Variants in ZBTB20 observed in about 807,000 individuals in gnomAD.
ZBTB20 encodes the protein zinc finger and BTB domain containing 20.
A neutral mutation model predicts 56.9 loss-of-function variants in ZBTB20; 9 were observed. The ratio of observed to expected loss-of-function variants is 0.16; its 90% CI spans 0.10 to 0.28. The LOEUF is 0.28. ZBTB20 is among the 10% of genes least tolerant of loss of function. The pLI is 1.00. For missense variants in ZBTB20, 655 were observed against 1,003.0 expected (o/e 0.65, Z 4.69); for synonymous variants, 417 against 420.7 (o/e 0.99, Z 0.11).
intron 2 of ZBTB20, among the ~76,000 whole-genome samples, chr3:115,001,541 T>A (rs1481004679): frequency 6.6e-6 from 1 of 150,378 alleles, no homozygotes; most frequent in Non-Finnish European, 1.5e-5. Flanking sequence ...ATTTTTTTTT[T>A]AAAGAGAAAT....
At chr3:114,707,966 T>G (rs2063818922) in intron 5 of ZBTB20, among the ~76,000 whole-genome samples, 1 of 152,164 alleles carries the variant, frequency 6.6e-6, no homozygotes, top group African/African-American at 2.4e-5. Flanking sequence ...AATTGCAAAG[T>G]CTCAGAAAGC....
chr3:114,953,751 C>T (rs2077155081), intron 3 of ZBTB20, among the ~76,000 whole-genome samples: 1 of 151,906 alleles, frequency 6.6e-6, no homozygotes, highest in South Asian at 2.1e-4. Flanking sequence ...ATGGAAAAAT[C>T]TACAATTATA....
intron 6 of ZBTB20, among the ~76,000 whole-genome samples, chr3:114,654,027 T>C (rs1560089135): frequency 6.6e-6 from 1 of 151,942 alleles, no homozygotes; most frequent in Non-Finnish European, 1.5e-5. Context: ...TGTTATAGCT[T>C]ATAAATTCTG....
rs138181634 is a variant in ZBTB20, at chr3:114,758,083, T to G, written c.-343+43018A>C. Among the ~76,000 whole-genome samples, 12 of 152,276 alleles carry G rather than the reference T, an allele frequency of 7.9e-5. No individual in the cohort carries two copies. The East Asian group carries it at 2.3e-3, about 29-fold the overall frequency. ...TACTTTCATTTCAAAAACAGTTTGTTGTCGATGAAAGCGCATTTTCCAGGT... is the reference window on the plus strand; with the variant it reads ...TACTTTCATTTCAAAAACAGTTTGTGGTCGATGAAAGCGCATTTTCCAGGT... On this transcript the variant is annotated intron_variant, in intron 5 of 11. Coordinates refer to ENST00000675478, the MANE Select transcript of ZBTB20 (RefSeq NM_001348800.3).
intron 10 of ZBTB20, chr3:114,366,994 A>G (rs1239167275): frequency 6.6e-6 from 1 of 152,260 alleles, no homozygotes; most frequent in East Asian, 1.9e-4. Context: ...AAGCCGACGG[A>G]CTTTCAAAAA....
At chr3:115,146,743 G>A (rs888765296) in intron 1 of ZBTB20, among the ~76,000 whole-genome samples, 26 of 152,272 alleles carry the variant, frequency 1.7e-4, no homozygotes, top group African/African-American at 5.8e-4. Flanking sequence ...GGAGGGAGGG[G>A]GCAGAAGACA....
chr3:114,353,329 G>A (rs923959476), intron 10 of ZBTB20, among the ~76,000 whole-genome samples: 2 of 152,176 alleles, frequency 1.3e-5, no homozygotes, highest in Non-Finnish European at 1.5e-5. Flanking sequence ...TCTACCTTGC[G>A]ATAGAAGACT....
chr3:114,635,015 GA>G (rs1388690280), intron 6 of ZBTB20, among the ~76,000 whole-genome samples: 1 of 152,182 alleles, frequency 6.6e-6, no homozygotes, highest in Non-Finnish European at 1.5e-5. Flanking sequence ...GATGAGGGAG[GA>G]AAGGGAATGA....
At chr3:114,923,718 AG>A (rs2076046238) in intron 3 of ZBTB20, among the ~76,000 whole-genome samples, 1 of 152,176 alleles carries the variant, frequency 6.6e-6, no homozygotes, top group African/African-American at 2.4e-5. Context: ...AAAAAAAAGT[AG>A]AACTACACCA....
In ZBTB20 at chr3:114,514,538, G is replaced by T. The variant is rs150925537; in HGVS notation, c.-294-14147C>A. 2.2e-3 allele frequency among the ~76,000 whole-genome samples: 340 copies of T among 152,288 alleles called. 1 individual carries two copies. The highest frequency in any genetic ancestry group is 7.6e-3 in the African/African-American group (317 of 41,556). ...AGGGATTAGTGGTACAGTGTTATCT[G>T]CAAAGTACCTAAAAGTGTTTTCTAA... On this transcript the variant is annotated intron_variant, in intron 6 of 11. Coordinates refer to ENST00000675478, the MANE Select transcript of ZBTB20 (RefSeq NM_001348800.3).
At chr3:114,916,868 C>T (rs1221133682) in intron 3 of ZBTB20, among the ~76,000 whole-genome samples, 1 of 152,096 alleles carries the variant, frequency 6.6e-6, no homozygotes, top group Non-Finnish European at 1.5e-5. Flanking sequence ...TTGAGATAGT[C>T]TTCTTTAGGT....
At chr3:115,059,029 T>G (rs943983442) in intron 2 of ZBTB20, among the ~76,000 whole-genome samples, 1 of 152,198 alleles carries the variant, frequency 6.6e-6, no homozygotes, top group Non-Finnish European at 1.5e-5. Flanking sequence ...AAGTTCCATT[T>G]AGTTCCCTTT....
chr3:115,138,448 C>A (rs2084713703), intron 1 of ZBTB20, among the ~76,000 whole-genome samples: 1 of 152,022 alleles, frequency 6.6e-6, no homozygotes, highest in African/African-American at 2.4e-5. Context: ...CACCTTGTAC[C>A]CTTCTCTAGA....
At chr3:114,904,341 AC>A (rs1274453851) in intron 3 of ZBTB20, 1 of 151,994 alleles carries the variant, frequency 6.6e-6, no homozygotes, top group African/African-American at 2.4e-5. Flanking sequence ...GCCTGTGGGT[AC>A]AACCACTCCA....
At chr3:114,686,574 C>T (rs2108284249) in intron 6 of ZBTB20, among the ~76,000 whole-genome samples, 2 of 152,248 alleles carry the variant, frequency 1.3e-5, no homozygotes, top group Middle Eastern at 3.4e-3. Context: ...CTTGGGCACC[C>T]ATTCTGAGAG....
chr3:114,775,320 A>G (rs2069511625), intron 5 of ZBTB20, among the ~76,000 whole-genome samples: 1 of 152,106 alleles, frequency 6.6e-6, no homozygotes. Context: ...TGTGTTTTTA[A>G]ACATATTTTA....
intron 6 of ZBTB20, among the ~76,000 whole-genome samples, chr3:114,564,592 ATT>A (rs2052496585): frequency 6.6e-6 from 1 of 152,162 alleles, no homozygotes; most frequent in African/African-American, 2.4e-5. Flanking sequence ...GTAGAACCAG[ATT>A]TTACTCCTTT....
intron 2 of ZBTB20, among the ~76,000 whole-genome samples, chr3:115,036,941 T>C (rs1437342827): frequency 6.6e-6 from 1 of 152,136 alleles, no homozygotes; most frequent in Non-Finnish European, 1.5e-5. Flanking sequence ...TTCTAAAATA[T>C]AATTTAGTTT....
At chr3:114,408,663 C>T (rs1559750475) in intron 7 of ZBTB20, among the ~76,000 whole-genome samples, 1 of 152,108 alleles carries the variant, frequency 6.6e-6, no homozygotes, top group African/African-American at 2.4e-5. Context: ...CACAAGTAGA[C>T]ATTTCCTTTG....
Sources: gnomAD v4.1 joint callset for allele counts (sites outside exome capture counted in the v4.1 genomes callset) on GRCh38, gnomAD v4.1.1 for gene constraint, MANE v1.5 for transcripts, NCBI Gene and HGNC (gene_info 2026-07-23, HGNC 2026-07-21) for gene names.